The following SERF2 variants were observed in gnomAD, a reference collection of about 807,000 sequenced individuals.
SERF2 encodes the protein gastric cancer-related protein VRG107.
A neutral mutation model predicts 10.7 loss-of-function variants in SERF2; 4 were observed. That is an observed-to-expected ratio of 0.37 (90% CI 0.18 to 0.86). The LOEUF (loss-of-function observed/expected upper bound fraction) is 0.86, where lower values mean the gene tolerates loss of function less well. Ranked by LOEUF, SERF2 falls within the 40% of genes least tolerant of loss-of-function variation. The probability of loss-of-function intolerance (pLI) is 0.43; values close to 1 mark genes in which losing one functional copy is unlikely to be tolerated. For synonymous variants in SERF2, 26 were observed against 26.0 expected, an observed-to-expected ratio of 1.00 and a Z score of 0.01; for missense variants, 47 against 79.1, an observed-to-expected ratio of 0.59 and a Z score of 1.54.
chr15:43,792,256 G>A (rs2141677976), upstream of SERF2: 1 of 874,116 alleles, frequency 1.1e-6, no homozygotes, highest in South Asian at 1.3e-5. Flanking sequence ...GCCGGCTCCC[G>A]GGCGCGAAGG....
chr15:43,795,599 C>A lies in SERF2; in HGVS notation c.*1826C>A. ...CTGCTGAAACACCTCTTCCCCTCTC[C>A]CCCAACTACCTTTGTTAAGGCTCTT... On this transcript the variant is annotated 3_prime_UTR_variant, in exon 3 of 3. Coordinates refer to ENST00000249786, the MANE Select transcript of SERF2 (RefSeq NM_001018108.4). The A allele has an allele frequency of 6.2e-7, 1 of 1,611,602 alleles. No individual in the cohort carries two copies. The highest frequency in any genetic ancestry group is 8.5e-7 in the Non-Finnish European group (1 of 1,177,920).
chr15:43,783,755 A>G (rs1163660748), intron 1 of SERF2, among the ~76,000 whole-genome samples: 2 of 150,240 alleles, frequency 1.3e-5, no homozygotes, highest in Non-Finnish European at 3.0e-5. Flanking sequence ...ACACACCACC[A>G]TATCTGGCTA....
At chr15:43,784,379 G>A (rs1306838126) in intron 1 of SERF2, among the ~76,000 whole-genome samples, 1 of 152,140 alleles carries the variant, frequency 6.6e-6, no homozygotes, top group East Asian at 1.9e-4. Context: ...ACACTCTGAT[G>A]TGTGGTGATG....
Position 43,778,414 on chromosome 15 carries a change from G to A in SERF2, c.-527+912G>A, listed in dbSNP as rs968006737. The stretch of plus-strand genomic sequence containing the variant: ...CTCTTAGCTGGGCATGGCGGTGCAT[G>A]CCTGTAGTCCCAGCTACTCAGGAGG... On this transcript the variant is annotated intron_variant, in intron 1 of 4. Transcript: ENST00000381359. 2.0e-5 allele frequency among the ~76,000 whole-genome samples: 3 copies of A among 151,554 alleles called. No homozygotes were observed. The East Asian group carries it at 5.8e-4, about 29-fold the overall frequency.
Position 43,793,983 on chromosome 15 carries a change from C to G in SERF2, c.*210C>G. 5 of 1,510,700 alleles carry G rather than the reference C, an allele frequency of 3.3e-6. No homozygotes were observed. The highest frequency in any genetic ancestry group is 4.4e-6 in the Non-Finnish European group (5 of 1,129,790). 93.6% of individuals were successfully genotyped at this position (1,510,700 alleles called of 1,614,324 possible). A position where few individuals can be genotyped will look rare whatever the true frequency, so the allele number is the denominator to read the frequency against. On this transcript the variant is annotated 3_prime_UTR_variant, in exon 3 of 3. Transcript: ENST00000249786. ...CACTCCCGGGGGTGAGGGGGTTACC[C>G]CTTCCCAGTGTTTTTTATTCCTGTG...
Position 43,792,367 on chromosome 15 carries a change from T to C in SERF2, c.-10T>C. The stretch of plus-strand genomic sequence containing the variant: ...CGTAACGGAGGCAGGTTGGAGCCGC[T>C]GCCGTCGCCATGACCCGTGAGCACC... On this transcript the variant is annotated 5_prime_UTR_variant, in exon 1 of 3. Coordinates refer to ENST00000249786, the MANE Select transcript of SERF2 (RefSeq NM_001018108.4). 6.2e-7 allele frequency: 1 copy of C among 1,611,152 alleles called. No homozygotes were observed. Among genetic ancestry groups the C allele is most frequent in the East Asian group, 2.2e-5 (1 of 44,848 alleles).
At chr15:43,787,822 T>G (rs140279953), upstream of SERF2, among the ~76,000 whole-genome samples, 2,651 of 149,624 alleles carry the variant, frequency 0.018, 82 homozygotes, top group African/African-American at 0.063. Context: ...CCTCACACCC[T>G]CGAGTAGCTG....
In SERF2 at chr15:43,796,073, C is replaced by G. The variant is rs1244027935; in HGVS notation, c.*2300C>G. 4.9e-6 allele frequency: 5 copies of G among 1,011,410 alleles called. No individual in the cohort carries two copies. In the Admixed American group the frequency reaches 5.4e-5, roughly 11 times the overall value. 62.7% of individuals were successfully genotyped at this position (1,011,410 alleles called of 1,614,324 possible). A position where few individuals can be genotyped will look rare whatever the true frequency, so the allele number is the denominator to read the frequency against. On this transcript the variant is annotated 3_prime_UTR_variant, in exon 3 of 3. Coordinates refer to ENST00000249786, the MANE Select transcript of SERF2 (RefSeq NM_001018108.4). ...TAACAGCAGCTATAATCTGAGCATTCTGGGTAGAGGTTGGTAGGATGTGTG... is the reference window on the plus strand; with the variant it reads ...TAACAGCAGCTATAATCTGAGCATTGTGGGTAGAGGTTGGTAGGATGTGTG...
Position 43,794,934 on chromosome 15 carries a change from G to C in SERF2, c.*1161G>C, listed in dbSNP as rs903149602. 20 of 1,293,936 alleles carry C rather than the reference G, an allele frequency of 1.5e-5. No individual in the cohort carries two copies. Among genetic ancestry groups the C allele is most frequent in the Non-Finnish European group, 2.1e-5 (19 of 921,744 alleles). The allele number at this position is 1,293,936 out of a possible 1,614,324, so 80.2% of individuals were successfully genotyped here. Reference sequence around the variant, plus strand: ...TGTCCTTGAGGTATTGAGCTGGGCTGGACAGCTCCCCTTGAGCCAACTCTA... The same window carrying C: ...TGTCCTTGAGGTATTGAGCTGGGCTCGACAGCTCCCCTTGAGCCAACTCTA... On this transcript the variant is annotated 3_prime_UTR_variant, in exon 3 of 3. Transcript: ENST00000249786.
At chr15:43,785,213 C>T (rs564847266) in intron 1 of SERF2, among the ~76,000 whole-genome samples, 11 of 150,918 alleles carry the variant, frequency 7.3e-5, no homozygotes, top group African/African-American at 1.9e-4. Flanking sequence ...GGATTACAGG[C>T]GCCCACCACC....
Position 43,795,945 on chromosome 15 carries a change from CA to C in SERF2, c.*2175del. 7.8e-6 allele frequency: 5 copies of C among 641,328 alleles called. No individual in the cohort carries two copies. The highest frequency in any genetic ancestry group is 8.2e-6 in the Non-Finnish European group (3 of 366,058). 39.7% of individuals were successfully genotyped at this position (641,328 alleles called of 1,614,324 possible). A position where few individuals can be genotyped will look rare whatever the true frequency, so the allele number is the denominator to read the frequency against. ...CGATTTCTCCATTTGTAAAATGGAG[CA>C]AATACCTACCTCACAGGGTTGTTGT... On this transcript the variant is annotated 3_prime_UTR_variant, in exon 3 of 3. Coordinates refer to ENST00000249786, the MANE Select transcript of SERF2 (RefSeq NM_001018108.4).
intron 2 of SERF2, chr15:43,793,314 T>C (rs2087116103): frequency 1.7e-6 from 1 of 573,130 alleles, no homozygotes. Context: ...TGAGCGTCCC[T>C]GGGTCTGACC....
intron 1 of SERF2, chr15:43,792,601 T>C: frequency 6.9e-7 from 1 of 1,442,408 alleles, no homozygotes; most frequent in Non-Finnish European, 9.1e-7. Flanking sequence ...CCCTCCCGGA[T>C]CTTCCGCGGT....
Position 43,792,369 on chromosome 15 carries a change from C to T in SERF2, c.-8C>T, listed in dbSNP as rs2087079570. The T allele has an allele frequency of 5.6e-6, 9 of 1,610,786 alleles. No individual in the cohort carries two copies. Among genetic ancestry groups the T allele is most frequent in the African/African-American group, 1.3e-5 (1 of 74,878 alleles). On this transcript the variant is annotated 5_prime_UTR_variant, in exon 1 of 3. Coordinates refer to ENST00000249786, the MANE Select transcript of SERF2 (RefSeq NM_001018108.4). Reference sequence around the variant, plus strand: ...TAACGGAGGCAGGTTGGAGCCGCTGCCGTCGCCATGACCCGTGAGCACCGA... The same window carrying T: ...TAACGGAGGCAGGTTGGAGCCGCTGTCGTCGCCATGACCCGTGAGCACCGA...
At position 43,794,001 on chromosome 15, in the gene SERF2, T is replaced by C; in HGVS notation, c.*228T>C. On this transcript the variant is annotated 3_prime_UTR_variant, in exon 3 of 3. Coordinates refer to ENST00000249786, the MANE Select transcript of SERF2 (RefSeq NM_001018108.4). The stretch of plus-strand genomic sequence containing the variant: ...GGTTACCCCTTCCCAGTGTTTTTTA[T>C]TCCTGTGGGGCTCACCCCAAAGTAT... 6.7e-7 allele frequency: 1 copy of C among 1,486,146 alleles called. No homozygotes were observed. Among genetic ancestry groups the C allele is most frequent in the Non-Finnish European group, 8.9e-7 (1 of 1,119,114 alleles). 92.1% of individuals were successfully genotyped at this position (1,486,146 alleles called of 1,614,324 possible). A position where few individuals can be genotyped will look rare whatever the true frequency, so the allele number is the denominator to read the frequency against.
chr15:43,781,320 C>T (rs1240291013), intron 1 of SERF2, among the ~76,000 whole-genome samples: 4 of 152,004 alleles, frequency 2.6e-5, no homozygotes, highest in East Asian at 1.9e-4. Flanking sequence ...TTTGGGAGGC[C>T]GAGGCAGGTG....
chr15:43,778,555 G>T (rs1251439928), intron 1 of SERF2, among the ~76,000 whole-genome samples: 1 of 88,374 alleles, frequency 1.1e-5, no homozygotes, highest in African/African-American at 4.4e-5. Context: ...AGAAAAAAAG[G>T]CCAGGCGCGC....
rs565641402 is a variant in SERF2 at position 43,781,592 on chromosome 15, CT to C, written c.-526-3801del. On this transcript the variant is annotated intron_variant, in intron 1 of 4. Transcript: ENST00000381359. ...CTTATTGTTTATGTCTGCATTTTTC[CT>C]TTTTTTTTTTTTTTTTGAGACAAGG... 3.6e-3 allele frequency among the ~76,000 whole-genome samples: 478 copies of C among 134,528 alleles called. 1 individual carries two copies. The highest frequency in any genetic ancestry group is 5.5e-3 in the African/African-American group (197 of 36,046). The allele number at this position is 134,528 out of a possible 152,430, so 88.3% of individuals were successfully genotyped here.
chr15:43,780,251 T>C (rs759317296), intron 1 of SERF2, among the ~76,000 whole-genome samples: 18 of 152,136 alleles, frequency 1.2e-4, no homozygotes, highest in Non-Finnish European at 2.6e-4. Flanking sequence ...GCCATTCTCC[T>C]GCCTCAGCCT....
Sources: gnomAD v4.1 joint callset for allele counts (sites outside exome capture counted in the v4.1 genomes callset) on GRCh38, gnomAD v4.1.1 for gene constraint, MANE v1.5 for transcripts, NCBI Gene and HGNC (gene_info 2026-07-23, HGNC 2026-07-21) for gene names.